The following TENM2 variants were observed in gnomAD, a reference collection of about 807,000 sequenced individuals.
The protein encoded by TENM2 is teneurin-2.
TENM2 carries 52 observed loss-of-function variants against 245.2 expected under a neutral mutation model. That is an observed-to-expected ratio of 0.21 (90% CI 0.17 to 0.27). TENM2 has a LOEUF of 0.27. Ranked by LOEUF, TENM2 falls within the 10% of genes least tolerant of loss-of-function variation. The pLI, the probability that TENM2 is intolerant of heterozygous loss-of-function variation, is 1.00. For synonymous variants in TENM2, 1,363 were observed against 1,438.9 expected (o/e 0.95, Z 1.19); for missense variants, 3,046 against 3,666.8 (o/e 0.83, Z 4.37).
At chr5:167,524,988 C>A (rs1771011942) in intron 2 of TENM2, among the ~76,000 whole-genome samples, 1 of 152,010 alleles carries the variant, frequency 6.6e-6, no homozygotes, top group Admixed American at 6.6e-5. Flanking sequence ...ATGGGAAACA[C>A]AATATTTTGG....
chr5:167,897,021 G>T (rs989154267), intron 3 of TENM2, among the ~76,000 whole-genome samples: 1 of 152,152 alleles, frequency 6.6e-6, no homozygotes, highest in Non-Finnish European at 1.5e-5. Context: ...AGCTTAACTC[G>T]GTTGGTCTAC....
chr5:167,932,300 A>G (rs1463973017), intron 3 of TENM2, among the ~76,000 whole-genome samples: 2 of 152,140 alleles, frequency 1.3e-5, no homozygotes, highest in Non-Finnish European at 2.9e-5. Context: ...TTGTGTCTTC[A>G]ATGAGCTAAA....
intron 2 of TENM2, among the ~76,000 whole-genome samples, chr5:167,845,089 G>C (rs1456675502): frequency 6.6e-6 from 1 of 152,006 alleles, no homozygotes. Flanking sequence ...AGTCTTGTTT[G>C]TCATTTTTTC....
At chr5:167,366,659 G>C (rs1276226504) in intron 1 of TENM2, among the ~76,000 whole-genome samples, 1 of 152,134 alleles carries the variant, frequency 6.6e-6, no homozygotes, top group Admixed American at 6.5e-5. Context: ...TTGTAGGGCT[G>C]CTTTTTTAAT....
At chr5:167,321,359 GC>G (rs1215106912) in intron 1 of TENM2, among the ~76,000 whole-genome samples, 11 of 152,242 alleles carry the variant, frequency 7.2e-5, no homozygotes, top group African/African-American at 2.4e-4. Flanking sequence ...TCTCTGGCCT[GC>G]TTTTTCCTTT....
In TENM2 at chr5:167,952,588, G is replaced by C. The variant is rs1583468369; in HGVS notation, c.713G>C (p.Gly238Ala). The change falls in exon 4 of 29, where the codon GGC becomes GCC. Residue 238 changes from glycine to alanine, a missense_variant and splice_region_variant. Gly to Ala is a moderately conservative substitution (Grantham distance 60). Around this residue, in one of 2 missense-constraint regions of TENM2, gnomAD observed 342 missense variants for 335.0 expected, o/e 1.02. Transcript: ENST00000518659. ...CAGTCATTTCTCCTTTTTTTTTCAG[G>C]CCCTCCGAACCACCACAGCCAGTCG... 1.9e-6 allele frequency: 3 copies of C among 1,594,294 alleles called. No homozygotes were observed. The highest frequency in any genetic ancestry group is 2.6e-6 in the Non-Finnish European group (3 of 1,173,090).
intron 1 of TENM2, among the ~76,000 whole-genome samples, chr5:167,365,551 A>G (rs1581852189): frequency 6.6e-6 from 1 of 151,956 alleles, no homozygotes; most frequent in African/African-American, 2.4e-5. Context: ...CCCTCATATC[A>G]AAAATGAAAG....
At position 167,459,911 on chromosome 5, in the gene TENM2, AACACACACAC is replaced by A. The variant is rs57053799; in HGVS notation, c.502+84453_502+84462del. ...CTGCATTTCCTTGTATATAAAGATAAACACACACACACACACACACACACGCACACACACA... is the reference window on the plus strand; with the variant it reads ...CTGCATTTCCTTGTATATAAAGATAAACACACACACACACGCACACACACA... On this transcript the variant is annotated intron_variant, in intron 2 of 28. Transcript: ENST00000518659. Among the ~76,000 whole-genome samples the A allele has an allele frequency of 4.0e-5, 6 of 149,682 alleles. No individual in the cohort carries two copies. The East Asian group carries it at 9.8e-4, about 25-fold the overall frequency.
At chr5:167,317,060 CT>C (rs796921934) in intron 1 of TENM2, among the ~76,000 whole-genome samples, 14 of 152,224 alleles carry the variant, frequency 9.2e-5, no homozygotes, top group African/African-American at 3.4e-4. Flanking sequence ...ACATTGATAA[CT>C]TGTAGTATCA....
At chr5:167,773,122 G>A (rs1269555993) in intron 2 of TENM2, among the ~76,000 whole-genome samples, 2 of 152,230 alleles carry the variant, frequency 1.3e-5, no homozygotes, top group African/African-American at 4.8e-5. Flanking sequence ...GCATTTGTGT[G>A]TGTGTGTGCT....
intron 5 of TENM2, among the ~76,000 whole-genome samples, chr5:168,005,733 A>C (rs1182388140): frequency 6.6e-6 from 1 of 152,168 alleles, no homozygotes; most frequent in Non-Finnish European, 1.5e-5. Flanking sequence ...GAAACATAGA[A>C]AAAATTCTTT....
chr5:167,128,823 C>T, the TENM2 span, among the ~76,000 whole-genome samples: 1 of 152,194 alleles, frequency 6.6e-6, no homozygotes, highest in Non-Finnish European at 1.5e-5. Flanking sequence ...TACATTCATT[C>T]TTGTGTTATT....
At chr5:167,635,527 C>A (rs993360776) in intron 2 of TENM2, among the ~76,000 whole-genome samples, 2 of 151,878 alleles carry the variant, frequency 1.3e-5, no homozygotes, top group Non-Finnish European at 2.9e-5. Context: ...GCATTTCAGC[C>A]ATTAGCCAAA....
the TENM2 span, among the ~76,000 whole-genome samples, chr5:167,139,108 T>G: frequency 3.9e-5 from 6 of 152,238 alleles, no homozygotes; most frequent in South Asian, 8.3e-4. Context: ...CTCATTTTCT[T>G]GGTCACAATT....
chr5:167,995,633 T>C (rs562367895), intron 5 of TENM2, among the ~76,000 whole-genome samples: 2 of 152,308 alleles, frequency 1.3e-5, no homozygotes, highest in Non-Finnish European at 2.9e-5. Flanking sequence ...TCCTTTCTCC[T>C]TAGCCTTGAC....
chr5:167,490,886 C>T (rs1768389988), intron 2 of TENM2, among the ~76,000 whole-genome samples: 1 of 152,154 alleles, frequency 6.6e-6, no homozygotes, highest in African/African-American at 2.4e-5. Context: ...TAGTTAAGTT[C>T]AGGAATCCAA....
intron 2 of TENM2, among the ~76,000 whole-genome samples, chr5:167,765,702 T>C (rs563190901): frequency 1.4e-3 from 209 of 152,318 alleles, no homozygotes; most frequent in Middle Eastern, 0.01. Flanking sequence ...ATGTCAAAAT[T>C]GATCCCATTG....
chr5:168,202,598 A>G (rs1184638265), intron 17 of TENM2, among the ~76,000 whole-genome samples: 1 of 151,244 alleles, frequency 6.6e-6, no homozygotes. Flanking sequence ...TTTTAATGAG[A>G]AATAATATAT....
At chr5:166,986,829 A>G in the TENM2 span, among the ~76,000 whole-genome samples, 2 of 152,228 alleles carry the variant, frequency 1.3e-5, no homozygotes, top group Admixed American at 6.5e-5. Flanking sequence ...TTTGTCACCA[A>G]TGGCTGCAGA....
Sources: gnomAD v4.1 joint callset for allele counts (sites outside exome capture counted in the v4.1 genomes callset) on GRCh38, gnomAD v4.1.1 for gene constraint, gnomAD v4.1.1 regional missense constraint, MANE v1.5 for transcripts, NCBI Gene and HGNC (gene_info 2026-07-23, HGNC 2026-07-21) for gene names.